The following TMEM154 variants were observed in gnomAD, a reference collection of about 807,000 sequenced individuals.
The protein encoded by TMEM154 is transmembrane protein 154.
Under a neutral mutation model 24.5 loss-of-function variants are expected in TMEM154, and 27 were observed. The observed-to-expected ratio is 1.10, with a 90% CI of 0.81 to 1.52. TMEM154 has a LOEUF of 1.52. TMEM154 is among the 40% of genes most tolerant of loss of function. The probability of loss-of-function intolerance (pLI) is 0.00; values close to 1 mark genes in which losing one functional copy is unlikely to be tolerated. For synonymous variants in TMEM154, 67 were observed against 76.8 expected (o/e 0.87, Z 0.67); for missense variants, 228 against 213.4 (o/e 1.07, Z -0.43).
intron 3 of TMEM154, among the ~76,000 whole-genome samples, chr4:152,652,173 T>C (rs1192589490): frequency 6.6e-6 from 1 of 151,478 alleles, no homozygotes; most frequent in African/African-American, 2.4e-5. Context: ...GTGAGAATTA[T>C]CAAAATGTAA....
At chr4:152,668,120 T>A (rs1377856422) in intron 1 of TMEM154, among the ~76,000 whole-genome samples, 1 of 152,220 alleles carries the variant, frequency 6.6e-6, no homozygotes, top group Non-Finnish European at 1.5e-5. Flanking sequence ...TTGGGGAAGC[T>A]GCATTTTTGA....
At chr4:152,661,905 A>G (rs1240324681) in intron 1 of TMEM154, among the ~76,000 whole-genome samples, 1 of 152,226 alleles carries the variant, frequency 6.6e-6, no homozygotes, top group Non-Finnish European at 1.5e-5. Flanking sequence ...CTCTATGCAT[A>G]TACAAGTATA....
intron 5 of TMEM154, among the ~76,000 whole-genome samples, chr4:152,642,313 A>G (rs1579515166): frequency 6.6e-6 from 1 of 152,086 alleles, no homozygotes; most frequent in African/African-American, 2.4e-5. Context: ...TTTAAGATAA[A>G]TGGTAAAAAA....
Position 152,652,535 on chromosome 4 carries a change from C to T in TMEM154, c.364+3G>A, listed in dbSNP as rs200795724. 1 of 1,613,804 alleles carries T rather than the reference C, an allele frequency of 6.2e-7. No homozygotes were observed. The highest frequency in any genetic ancestry group is 8.5e-7 in the Non-Finnish European group (1 of 1,179,840). ...TGTAGGCAGGTTTTAGGATAATACTCACATGTCTGTAAAGCACTCTGAGAT... is the reference window on the plus strand; with the variant it reads ...TGTAGGCAGGTTTTAGGATAATACTTACATGTCTGTAAAGCACTCTGAGAT... On this transcript the variant is annotated splice_donor_region_variant and intron_variant, in intron 3 of 6. Coordinates refer to ENST00000304385, the MANE Select transcript of TMEM154 (RefSeq NM_152680.3).
intron 1 of TMEM154, among the ~76,000 whole-genome samples, chr4:152,660,979 A>G (rs1728590159): frequency 1.3e-5 from 2 of 152,194 alleles, no homozygotes; most frequent in Non-Finnish European, 2.9e-5. Context: ...CCCCGGGAAA[A>G]GAGAAAATAG....
At chr4:152,670,578 G>A (rs929096684) in intron 1 of TMEM154, among the ~76,000 whole-genome samples, 1 of 152,110 alleles carries the variant, frequency 6.6e-6, no homozygotes, top group Non-Finnish European at 1.5e-5. Flanking sequence ...CTGGGCAACA[G>A]AGTAAGACTC....
At chr4:152,630,991 T>C (rs1377611109) in intron 6 of TMEM154, among the ~76,000 whole-genome samples, 1 of 152,224 alleles carries the variant, frequency 6.6e-6, no homozygotes, top group East Asian at 1.9e-4. Flanking sequence ...AAACTTTTTT[T>C]AGCCAATCCC....
At position 152,619,566 on chromosome 4, in the gene TMEM154, G is replaced by A. The variant is rs1751814112; in HGVS notation, c.*8980C>T. Reference sequence around the variant, plus strand: ...AAGTATGGCAGAAGTGATGTGATGTGATTTCTGAGTCTAAATTATAAAAAT... The same window carrying A: ...AAGTATGGCAGAAGTGATGTGATGTAATTTCTGAGTCTAAATTATAAAAAT... On this transcript the variant is annotated 3_prime_UTR_variant, in exon 7 of 7. Coordinates refer to ENST00000304385, the MANE Select transcript of TMEM154 (RefSeq NM_152680.3). 6.6e-6 allele frequency: 1 copy of A among 152,202 alleles called. No homozygotes were observed. The highest frequency in any genetic ancestry group is 2.4e-5 in the African/African-American group (1 of 41,444). 9.4% of individuals were successfully genotyped at this position (152,202 alleles called of 1,614,324 possible). A position where few individuals can be genotyped will look rare whatever the true frequency, so the allele number is the denominator to read the frequency against.
chr4:152,653,072 A>G (rs1728420296), intron 1 of TMEM154, 145 bp from the exon 2 acceptor site: 5 of 769,550 alleles, frequency 6.5e-6, no homozygotes, highest in Non-Finnish European at 8.1e-6. Context: ...GTGACACAGA[A>G]CATTGATTTA....
intron 6 of TMEM154, among the ~76,000 whole-genome samples, chr4:152,637,475 G>A (rs1286184152): frequency 6.6e-6 from 1 of 152,054 alleles, no homozygotes; most frequent in African/African-American, 2.4e-5. Context: ...AACCCAGGAG[G>A]CAGAGGCTGC....
chr4:152,660,815 C>T (rs1011042873), intron 1 of TMEM154, among the ~76,000 whole-genome samples: 1 of 152,180 alleles, frequency 6.6e-6, no homozygotes, highest in African/African-American at 2.4e-5. Context: ...CCAGAAACCT[C>T]GGCTTTACTG....
rs148786822 is a variant in TMEM154 at position 152,659,151 on chromosome 4, T to C, written c.65-6224A>G. 5.9e-5 allele frequency among the ~76,000 whole-genome samples: 9 copies of C among 152,318 alleles called. No homozygotes were observed. The East Asian group carries it at 1.5e-3, about 26-fold the overall frequency. On this transcript the variant is annotated intron_variant, in intron 1 of 6. Coordinates refer to ENST00000304385, the MANE Select transcript of TMEM154 (RefSeq NM_152680.3). ...GGTTGAATGGATAAATAAAATGTGG[T>C]ATATATACACAATGGAATACTATTC... is the stretch of plus-strand genomic sequence containing the variant.
chr4:152,619,991 T>C lies in TMEM154; in HGVS notation c.*8555A>G, dbSNP rs1027274996. On this transcript the variant is annotated 3_prime_UTR_variant, in exon 7 of 7. Transcript: ENST00000304385. Reference sequence around the variant, plus strand: ...TTTCTCTCTTGGGAAGTGTGAACACTGGATGCCTCCAGGGGTGGGCCACTT... The same window carrying C: ...TTTCTCTCTTGGGAAGTGTGAACACCGGATGCCTCCAGGGGTGGGCCACTT... 9.9e-5 allele frequency: 15 copies of C among 152,268 alleles called. No individual in the cohort carries two copies. Among genetic ancestry groups the C allele is most frequent in the African/African-American group, 3.6e-4 (15 of 41,466 alleles). 9.4% of individuals were successfully genotyped at this position (152,268 alleles called of 1,614,324 possible).
intron 1 of TMEM154, among the ~76,000 whole-genome samples, chr4:152,678,469 T>A (rs1728991138): frequency 6.7e-6 from 1 of 149,126 alleles, no homozygotes; most frequent in South Asian, 2.2e-4. Context: ...TCTTCCCTGA[T>A]GTCCTACTAC....
chr4:152,670,979 G>T (rs1728823446), intron 1 of TMEM154, among the ~76,000 whole-genome samples: 1 of 152,158 alleles, frequency 6.6e-6, no homozygotes, highest in Non-Finnish European at 1.5e-5. Flanking sequence ...ATTAATAAAA[G>T]CCATCATGTG....
intron 1 of TMEM154, among the ~76,000 whole-genome samples, chr4:152,673,669 A>G (rs570603910): frequency 1.7e-4 from 26 of 152,356 alleles, no homozygotes; most frequent in African/African-American, 6.3e-4. Context: ...TACATTTGAT[A>G]CGTGTATCAA....
chr4:152,644,639 T>C (rs1404535169), intron 3 of TMEM154, among the ~76,000 whole-genome samples, 197 bp from the exon 4 acceptor site: 1 of 152,228 alleles, frequency 6.6e-6, no homozygotes, highest in Non-Finnish European at 1.5e-5. Flanking sequence ...GTGTGAAATC[T>C]GCTTTCTTTT....
intron 4 of TMEM154, 72 bp downstream of exon 4, chr4:152,644,343 A>G (rs2149781335): frequency 6.5e-7 from 1 of 1,545,916 alleles, no homozygotes; most frequent in African/African-American, 1.4e-5. Flanking sequence ...AAAACACCTG[A>G]AAAGGCAGCT....
At chr4:152,655,478 T>A (rs1728472836) in intron 1 of TMEM154, among the ~76,000 whole-genome samples, 1 of 152,110 alleles carries the variant, frequency 6.6e-6, no homozygotes, top group Non-Finnish European at 1.5e-5. Context: ...ACAGTGCCAC[T>A]TTGAGGGCCC....
Sources: allele counts gnomAD v4.1 joint callset (sites outside exome capture counted in the v4.1 genomes callset), GRCh38; gene constraint gnomAD v4.1.1; transcripts MANE v1.5; gene names NCBI Gene and HGNC (gene_info 2026-07-23, HGNC 2026-07-21).